The following ING5 variants were observed in gnomAD, a reference collection of about 807,000 sequenced individuals.
ING5 encodes inhibitor of growth family member 5.
In ING5, 17 loss-of-function variants were observed where a neutral mutation model predicts 37.4. The observed-to-expected ratio is 0.45, with a 90% CI of 0.31 to 0.68. The LOEUF is 0.68. Among genes scored for constraint, ING5 ranks in the 30% least tolerant of loss-of-function variants. The pLI is 0.05. For synonymous variants in ING5, 123 were observed against 116.6 expected, an observed-to-expected ratio of 1.06 and a Z score of -0.36; for missense variants, 233 against 311.9, an observed-to-expected ratio of 0.75 and a Z score of 1.91.
intron 5 of ING5, among the ~76,000 whole-genome samples, chr2:241,718,371 TCCTCCCTCCCTC>T (rs1318627478): frequency 4.6e-4 from 57 of 123,750 alleles, no homozygotes; most frequent in Non-Finnish European, 4.4e-4. Context: ...CTCCCTCCCT[TCCTCCCTCCCTC>T]CCTTCCTTCC....
At position 241,690,499 on chromosome 2, in the gene ING5, ACCT is replaced by A. The variant is rs1258607126; in HGVS notation, c.-110_-108del. On this transcript the variant is annotated 5_prime_UTR_variant, in exon 2 of 8. Coordinates refer to the ING5 transcript ENST00000636051. ...ATGACTGCCACACCCCAGCCTGCTGACCTCAGCCCTGGCGTGGGCATAGGAGGG... is the reference window on the plus strand; with the variant it reads ...ATGACTGCCACACCCCAGCCTGCTGACAGCCCTGGCGTGGGCATAGGAGGG... 1.8e-5 allele frequency: 7 copies of A among 397,060 alleles called. No homozygotes were observed. In the Admixed American group the frequency reaches 1.8e-4, roughly 10 times the overall value. 24.6% of individuals were successfully genotyped at this position (397,060 alleles called of 1,614,324 possible).
chr2:241,724,773 G>C, intron 7 of ING5: 2 of 586,322 alleles, frequency 3.4e-6, no homozygotes, highest in Non-Finnish European at 6.1e-6. Flanking sequence ...CATTGATGGT[G>C]TATCTGTCAG....
At chr2:241,694,687 C>T (rs2069605577) in intron 2 of ING5, among the ~76,000 whole-genome samples, 1 of 150,376 alleles carries the variant, frequency 6.6e-6, no homozygotes, top group Non-Finnish European at 1.5e-5. Context: ...GTATAACCTT[C>T]CCTTTGGGCA....
At position 241,691,010 on chromosome 2, in the gene ING5, T is replaced by C. The variant is rs1575113307; in HGVS notation, c.43+357T>C. Among the ~76,000 whole-genome samples, 9 of 151,770 alleles carry C rather than the reference T, an allele frequency of 5.9e-5. 3 individuals carry two copies. Among genetic ancestry groups the C allele is most frequent in the Admixed American group, 5.9e-4 (9 of 15,256 alleles). On this transcript the variant is annotated intron_variant, in intron 2 of 7. Transcript: ENST00000636051. ...TTTTAGTAGAGACAGGATTTCACCA[T>C]GTTGGCCAGGCTGGTCTTGAACTCC...
intron 4 of ING5, 26 bp downstream of exon 4, chr2:241,711,514 AT>A: frequency 6.8e-7 from 1 of 1,473,514 alleles, no homozygotes; most frequent in Non-Finnish European, 9.3e-7. Flanking sequence ...TTTTTTCTTT[AT>A]TTTATTACTG....
At chr2:241,688,781 G>T (rs189340464) in intron 1 of ING5, among the ~76,000 whole-genome samples, 1 of 151,042 alleles carries the variant, frequency 6.6e-6, no homozygotes, top group East Asian at 1.9e-4. Flanking sequence ...CCACCACCAC[G>T]CCCGGCTAAT....
At chr2:241,714,168 A>T (rs893802543) in intron 5 of ING5, among the ~76,000 whole-genome samples, 1 of 151,590 alleles carries the variant, frequency 6.6e-6, no homozygotes, top group African/African-American at 2.4e-5. Context: ...AAAATCATAA[A>T]CTCCTCCTGC....
chr2:241,712,672 A>C (rs1033575063), intron 5 of ING5, among the ~76,000 whole-genome samples: 1 of 152,158 alleles, frequency 6.6e-6, no homozygotes, highest in Non-Finnish European at 1.5e-5. Context: ...ATTTAGACTA[A>C]AGAGAAAATG....
upstream of ING5, among the ~76,000 whole-genome samples, chr2:241,701,706 C>A (rs2069729955): frequency 6.6e-6 from 1 of 152,150 alleles, no homozygotes; most frequent in African/African-American, 2.4e-5. Flanking sequence ...GTGAGGTCCC[C>A]GGGACCACGT....
At chr2:241,706,996 G>A (rs1349308101) in intron 2 of ING5, among the ~76,000 whole-genome samples, 2 of 95,168 alleles carry the variant, frequency 2.1e-5, no homozygotes, top group African/African-American at 4.0e-5. Flanking sequence ...TTTCACTCTT[G>A]TTGCCCAGGC....
chr2:241,690,296 T>A (rs547817721), exon 2 of ING5: 50 of 275,142 alleles, frequency 1.8e-4, no homozygotes, highest in Middle Eastern at 2.0e-3. Context: ...TAGGATACCT[T>A]TTAGCACAGG....
At chr2:241,709,854 G>A (rs1351434680) in intron 3 of ING5, among the ~76,000 whole-genome samples, 2 of 151,992 alleles carry the variant, frequency 1.3e-5, no homozygotes, top group South Asian at 2.1e-4. Flanking sequence ...TGATCCACTC[G>A]CCTCAGCCTC....
chr2:241,699,042 G>T (rs373007757), upstream of ING5, among the ~76,000 whole-genome samples: 1 of 148,936 alleles, frequency 6.7e-6, no homozygotes, highest in Non-Finnish European at 1.5e-5. Flanking sequence ...TTTTTTTGGG[G>T]GGGGAGGGGT....
At position 241,716,281 on chromosome 2, in the gene ING5, C is replaced by CT. The variant is rs11332132; in HGVS notation, c.482+4232dup. Reference sequence around the variant, plus strand: ...CCCCACTCTTGTCTTATTAGCCATGCTTTTTTTTTTTTTTTTTTTTTTGAG... The same window carrying CT: ...CCCCACTCTTGTCTTATTAGCCATGCTTTTTTTTTTTTTTTTTTTTTTTGAG... On this transcript the variant is annotated intron_variant, in intron 5 of 7. Coordinates refer to ENST00000313552, the MANE Select transcript of ING5 (RefSeq NM_032329.6). Among the ~76,000 whole-genome samples, 498 of 73,648 alleles carry CT rather than the reference C, an allele frequency of 6.8e-3. 7 individuals carry two copies. The highest frequency in any genetic ancestry group is 0.01 in the Middle Eastern group (1 of 100). 48.3% of individuals were successfully genotyped at this position (73,648 alleles called of 152,430 possible).
upstream of ING5, chr2:241,701,919 A>C: frequency 3.0e-6 from 1 of 329,904 alleles, no homozygotes; most frequent in East Asian, 5.0e-5. Context: ...CGCCCGCCGG[A>C]AGCTGAAAGG....
chr2:241,704,526 C>G lies in ING5; in HGVS notation c.38-127C>G, dbSNP rs1575122265. 1.5e-5 allele frequency: 11 copies of G among 741,786 alleles called. No individual in the cohort carries two copies. The East Asian group carries it at 2.9e-4, about 20-fold the overall frequency. The allele number at this position is 741,786 out of a possible 1,614,324, so 46.0% of individuals were successfully genotyped here. A position where few individuals can be genotyped will look rare whatever the true frequency, so the allele number is the denominator to read the frequency against. On this transcript the variant is annotated intron_variant, in intron 1 of 7. Transcript: ENST00000313552. ...TAGGTTGCAGTGAGCCAAGATCGCA[C>G]CACTGCACTCCAGCCTGGGCAACAA...
At chr2:241,693,243 A>AG (rs1389901409) in intron 2 of ING5, among the ~76,000 whole-genome samples, 2 of 136,214 alleles carry the variant, frequency 1.5e-5, no homozygotes, top group Admixed American at 1.6e-4. Context: ...CGACAGGGCG[A>AG]GACTGTCTCA....
chr2:241,690,313 A>C lies in ING5; in HGVS notation c.-298A>C, dbSNP rs2069531148. The C allele has an allele frequency of 9.8e-6, 3 of 306,678 alleles. No individual in the cohort carries two copies. The Admixed American group carries it at 1.5e-4, about 15-fold the overall frequency. 19.0% of individuals were successfully genotyped at this position (306,678 alleles called of 1,614,324 possible). A position where few individuals can be genotyped will look rare whatever the true frequency, so the allele number is the denominator to read the frequency against. On this transcript the variant is annotated 5_prime_UTR_variant, in exon 2 of 8. Coordinates refer to the ING5 transcript ENST00000636051. ...GGATACCTTTTAGCACAGGTAGCAG[A>C]ATACCAGCCAGCCTCCTGTGGCTCA... is the stretch of plus-strand genomic sequence containing the variant.
At chr2:241,713,475 G>T (rs1049854096) in intron 5 of ING5, among the ~76,000 whole-genome samples, 2 of 149,416 alleles carry the variant, frequency 1.3e-5, no homozygotes, top group African/African-American at 5.0e-5. Context: ...GGTTCAAGCA[G>T]TTCTCCTGCC....
Sources: allele counts gnomAD v4.1 joint callset (sites outside exome capture counted in the v4.1 genomes callset), GRCh38; gene constraint gnomAD v4.1.1; transcripts MANE v1.5; gene names NCBI Gene and HGNC (gene_info 2026-07-23, HGNC 2026-07-21).